F13A1: variants seen among roughly 807,000 people sequenced by gnomAD.
F13A1 encodes the protein FSF, A subunit.
A neutral mutation model predicts 80.1 loss-of-function variants in F13A1; 47 were observed. The observed-to-expected ratio is 0.59, with a 90% CI of 0.46 to 0.75. F13A1 has a LOEUF of 0.75. Ranked by LOEUF, F13A1 falls within the 30% of genes least tolerant of loss-of-function variation. F13A1 has a pLI of 0.00. For synonymous variants in F13A1, 349 were observed against 344.9 expected (o/e 1.01, Z -0.13); for missense variants, 817 against 930.4 (o/e 0.88, Z 1.59).
intron 12 of F13A1, among the ~76,000 whole-genome samples, chr6:6,172,975 A>T (rs961745583): frequency 8.5e-5 from 13 of 152,194 alleles, no homozygotes; most frequent in African/African-American, 3.1e-4. Context: ...AGGGGAGCGT[A>T]TTAGTTTTGC....
rs1321536762 is a variant in F13A1 at position 6,307,566 on chromosome 6, A to G, written c.131-2027T>C. ...GGGCTTTAAAGTTTTTTTTTTAAAA[A>G]TAGCTAAACACCAAAGTCCTTAGAA... is the stretch of plus-strand genomic sequence containing the variant. On this transcript the variant is annotated intron_variant, in intron 2 of 14. Transcript: ENST00000264870. Among the ~76,000 whole-genome samples the G allele has an allele frequency of 2.6e-5, 4 of 152,164 alleles. No homozygotes were observed. In the East Asian group the frequency reaches 7.7e-4, roughly 29 times the overall value.
chr6:6,161,389 T>C (rs1583048801), intron 13 of F13A1, among the ~76,000 whole-genome samples: 1 of 152,114 alleles, frequency 6.6e-6, no homozygotes, highest in South Asian at 2.1e-4. Flanking sequence ...ACGTGGGCCA[T>C]GCATTCTCAC....
chr6:6,180,849 C>T (rs1343710625), intron 11 of F13A1, among the ~76,000 whole-genome samples: 3 of 152,230 alleles, frequency 2.0e-5, no homozygotes, highest in Non-Finnish European at 4.4e-5. Context: ...AGCAGGGAGA[C>T]TGTCTAAACT....
At chr6:6,194,256 C>A (rs936249284) in intron 10 of F13A1, among the ~76,000 whole-genome samples, 6 of 152,110 alleles carry the variant, frequency 3.9e-5, no homozygotes, top group African/African-American at 1.4e-4. Context: ...GGACAAGGAG[C>A]AAGTCTCTCA....
chr6:6,176,201 A>G (rs1350250744), intron 11 of F13A1, among the ~76,000 whole-genome samples: 1 of 152,274 alleles, frequency 6.6e-6, no homozygotes, highest in Non-Finnish European at 1.5e-5. Flanking sequence ...CCTAGCTTTT[A>G]TAATTATGCT....
At chr6:6,252,285 T>C (rs1757643240) in intron 4 of F13A1, among the ~76,000 whole-genome samples, 1 of 134,574 alleles carries the variant, frequency 7.4e-6, no homozygotes, top group African/African-American at 3.2e-5. Context: ...AAAAAGATAA[T>C]TTTTAGACAT....
At chr6:6,285,170 AC>A (rs1192242473) in intron 3 of F13A1, among the ~76,000 whole-genome samples, 1 of 152,172 alleles carries the variant, frequency 6.6e-6, no homozygotes, top group Non-Finnish European at 1.5e-5. Flanking sequence ...AATCACTTGA[AC>A]CTGGGAGGCA....
chr6:6,220,352 T>A (rs1024630184), intron 8 of F13A1, among the ~76,000 whole-genome samples: 12 of 152,034 alleles, frequency 7.9e-5, no homozygotes, highest in African/African-American at 2.9e-4. Flanking sequence ...GGGAAGTAAT[T>A]TGGAGCAGGG....
chr6:6,175,126 G>T (rs1760859366), intron 11 of F13A1, among the ~76,000 whole-genome samples: 1 of 152,100 alleles, frequency 6.6e-6, no homozygotes, highest in Non-Finnish European at 1.5e-5. Context: ...GTTTCTCCGG[G>T]GCCACTATTT....
intron 8 of F13A1, among the ~76,000 whole-genome samples, chr6:6,218,649 C>T (rs867887565): frequency 6.6e-6 from 1 of 152,272 alleles, no homozygotes; most frequent in East Asian, 1.9e-4. Context: ...CCTCTGTTGG[C>T]GTCAACAGTG....
intron 4 of F13A1, among the ~76,000 whole-genome samples, chr6:6,260,538 C>T (rs1757764517): frequency 6.6e-6 from 1 of 152,202 alleles, no homozygotes; most frequent in African/African-American, 2.4e-5. Context: ...TTAACACACA[C>T]ACAAGCATAA....
rs17141831 is a variant in F13A1 at position 6,162,173 on chromosome 6, T to C, written c.1908+5285A>G. Among the ~76,000 whole-genome samples the C allele has an allele frequency of 0.1, 15,429 of 152,080 alleles. 1,056 individuals are homozygous for C. Among genetic ancestry groups the C allele is most frequent in the African/African-American group, 0.18 (7,589 of 41,458 alleles). On this transcript the variant is annotated intron_variant, in intron 13 of 14. Coordinates refer to ENST00000264870, the MANE Select transcript of F13A1 (RefSeq NM_000129.4). This position sits in a 1 kb window ranked among gnomAD's most constrained non-coding sequence, Gnocchi z 4.2. Reference sequence around the variant, plus strand: ...GCCTCTTTGTTCAGAGAGTCGATGATAAAGCTCTCATCCAAAATTGTAGAC... The same window carrying C: ...GCCTCTTTGTTCAGAGAGTCGATGACAAAGCTCTCATCCAAAATTGTAGAC...
intron 3 of F13A1, among the ~76,000 whole-genome samples, chr6:6,269,294 T>G (rs1757888106): frequency 6.6e-6 from 1 of 152,136 alleles, no homozygotes; most frequent in South Asian, 2.1e-4. Flanking sequence ...TAATTGGTAG[T>G]TATCATTACT....
intron 4 of F13A1, among the ~76,000 whole-genome samples, chr6:6,258,055 G>A (rs890544458): frequency 6.6e-6 from 1 of 151,486 alleles, no homozygotes; most frequent in Non-Finnish European, 1.5e-5. Context: ...AAATTTCCAC[G>A]TTGATTAGGT....
intron 13 of F13A1, among the ~76,000 whole-genome samples, chr6:6,165,700 C>G (rs1405767994): frequency 6.6e-6 from 1 of 152,226 alleles, no homozygotes; most frequent in Non-Finnish European, 1.5e-5. Context: ...CTGTGAAGAA[C>G]AGCTTCGGGG....
rs576505297 is a variant in F13A1 at position 6,164,506 on chromosome 6, A to AAAGG, written c.1908+2948_1908+2951dup. Among the ~76,000 whole-genome samples the AAAGG allele has an allele frequency of 1.9e-3, 287 of 152,066 alleles. 5 individuals carry two copies. The highest frequency in any genetic ancestry group is 5.8e-4 in the East Asian group (3 of 5,170). On this transcript the variant is annotated intron_variant, in intron 13 of 14. Coordinates refer to ENST00000264870, the MANE Select transcript of F13A1 (RefSeq NM_000129.4). ...TCTAAAATAAAAATAGAAAGACAGG[A>AAAGG]AAGGAAGGAAGGAAGGAAGGAGAAA...
rs1277744776 is a variant in F13A1 at position 6,305,511 on chromosome 6, C to T, written c.159G>A (p.Leu53=). 1.9e-6 allele frequency: 3 copies of T among 1,614,110 alleles called. No homozygotes were observed. The highest frequency in any genetic ancestry group is 2.2e-5 in the East Asian group (1 of 44,892). ...QEFLNVTSVH[L]FKERWDTNKV... ...TGTTAGTGTCCCATCTCTCCTTGAA[C>T]AGGTGAACGCTCGTGACATTAAGAA... The change falls in exon 3 of 15, where the codon CTG becomes CTA. Residue 53 remains leucine (L), a synonymous_variant. Coordinates refer to ENST00000264870, the MANE Select transcript of F13A1 (RefSeq NM_000129.4).
chr6:6,161,184 A>G (rs766113361), intron 13 of F13A1, among the ~76,000 whole-genome samples: 4 of 152,088 alleles, frequency 2.6e-5, no homozygotes, highest in Non-Finnish European at 2.9e-5. Flanking sequence ...GGAAGGCCCC[A>G]TTCCACAGGG....
chr6:6,168,842 G>T lies in F13A1; in HGVS notation c.1748-1224C>A, dbSNP rs573389438. On this transcript the variant is annotated intron_variant, in intron 12 of 14. Coordinates refer to ENST00000264870, the MANE Select transcript of F13A1 (RefSeq NM_000129.4). Reference sequence around the variant, plus strand: ...CCTGACTCCCCACTGGCTCGAAGGTGTGGGTGCATTGAGCCATGCCCATCA... The same window carrying T: ...CCTGACTCCCCACTGGCTCGAAGGTTTGGGTGCATTGAGCCATGCCCATCA... Among the ~76,000 whole-genome samples, 26 of 152,348 alleles carry T rather than the reference G, an allele frequency of 1.7e-4. No individual in the cohort carries two copies. The South Asian group carries it at 5.0e-3, about 29-fold the overall frequency.
Sources: gnomAD v4.1 joint callset for allele counts (sites outside exome capture counted in the v4.1 genomes callset) on GRCh38, gnomAD v4.1.1 for gene constraint, Gnocchi (gnomAD v3.1) non-coding constraint, MANE v1.5 for transcripts, NCBI Gene and HGNC (gene_info 2026-07-23, HGNC 2026-07-21) for gene names.